PINK1: variants seen among roughly 807,000 people sequenced by gnomAD.
PINK1 encodes the protein serine/threonine-protein kinase PINK1, mitochondrial.
Under a neutral mutation model 56.0 loss-of-function variants are expected in PINK1, and 58 were observed. That is an observed-to-expected ratio of 1.04 (90% confidence interval 0.84 to 1.29). The LOEUF (loss-of-function observed/expected upper bound fraction) is 1.29, where lower values mean the gene tolerates loss of function less well. Among genes scored for constraint, PINK1 ranks in the 50% most tolerant of loss-of-function variants. PINK1 has a pLI of 0.00. For synonymous variants in PINK1, 354 were observed against 339.3 expected (o/e 1.04, Z -0.48); for missense variants, 745 against 777.9 (o/e 0.96, Z 0.50).
Position 20,648,845 on chromosome 1 carries a change from C to T in PINK1, c.1252-150C>T. 2.4e-6 allele frequency: 3 copies of T among 1,231,910 alleles called. No individual in the cohort carries two copies. The African/African-American group carries it at 4.4e-5, about 18-fold the overall frequency. 76.3% of individuals were successfully genotyped at this position (1,231,910 alleles called of 1,614,324 possible). On this transcript the variant is annotated intron_variant, in intron 6 of 7. Transcript: ENST00000321556. ...TGTCACATAAACCAGGTGGTCTAAG[C>T]AGACCCCTTCTGGGTCTGAGCCACA...
At chr1:20,646,328 G>A (rs1469856719) in intron 5 of PINK1, among the ~76,000 whole-genome samples, 4 of 152,004 alleles carry the variant, frequency 2.6e-5, no homozygotes, top group African/African-American at 9.7e-5. Flanking sequence ...AAGTAAAAGA[G>A]AAGTAGACTT....
intron 1 of PINK1, among the ~76,000 whole-genome samples, chr1:20,636,219 ATGTATATGTGT>A: frequency 6.8e-6 from 1 of 145,998 alleles, no homozygotes; most frequent in East Asian, 2.0e-4. Flanking sequence ...GTGTATATAT[ATGTATATGTGT>A]ATATATGTTG....
chr1:20,649,252 G>A (rs778581192), intron 7 of PINK1, 21 bp downstream of exon 7: 17 of 1,610,182 alleles, frequency 1.1e-5, no homozygotes, highest in South Asian at 2.2e-5. Context: ...CCCCGGCTTC[G>A]AGGGGACGGT....
At position 20,641,936 on chromosome 1, in the gene PINK1, T is replaced by C. The variant is rs2053119627; in HGVS notation, c.776+1944T>C. ...TATCTCCCCAGTACAGCCATACTCC[T>C]CTGCCCCTGAGCTCCCATGACACCT... On this transcript the variant is annotated intron_variant, in intron 3 of 7. Coordinates refer to ENST00000321556, the MANE Select transcript of PINK1 (RefSeq NM_032409.3). The surrounding 1 kb of genome is among the most constrained non-coding windows in gnomAD (Gnocchi z 4.0). Among the ~76,000 whole-genome samples the C allele has an allele frequency of 6.6e-6, 1 of 152,160 alleles. No homozygotes were observed. The highest frequency in any genetic ancestry group is 2.4e-5 in the African/African-American group (1 of 41,436).
At chr1:20,639,743 C>G in intron 2 of PINK1, 149 bp from the exon 3 acceptor site, 1 of 724,756 alleles carries the variant, frequency 1.4e-6, no homozygotes, top group Non-Finnish European at 2.5e-6. Context: ...CTAGTCTCAG[C>G]CTGCCAGTTA....
intron 2 of PINK1, chr1:20,638,512 G>A: frequency 3.3e-6 from 1 of 299,446 alleles, no homozygotes; most frequent in South Asian, 3.1e-5. Context: ...GCACCTGTAT[G>A]TAGTCTTAGC....
chr1:20,638,246 G>A, intron 2 of PINK1, 117 bp downstream of exon 2: 1 of 1,264,556 alleles, frequency 7.9e-7, no homozygotes, highest in African/African-American at 1.5e-5. Flanking sequence ...CCACAGGAAA[G>A]GTGCCTGTAT....
intron 7 of PINK1, chr1:20,650,167 A>G: frequency 1.9e-6 from 1 of 534,998 alleles, no homozygotes; most frequent in Non-Finnish European, 3.4e-6. Flanking sequence ...ATAGCTGTGC[A>G]CAAGAGGCAC....
chr1:20,633,817 G>C lies in PINK1; in HGVS notation c.269G>C (p.Trp90Ser), dbSNP rs774312092. ...CAGCGGCAGTTCGTGGTGCGGGCCT[G>C]GGGCTGCGCGGGCCCTTGCGGCCGG... is the stretch of plus-strand genomic sequence containing the variant. ...RLQRQFVVRAWGCAGPCGRAV... is the reference protein window; with the variant it reads ...RLQRQFVVRASGCAGPCGRAV... Residue 90 changes from tryptophan to serine, a missense_variant, in exon 1 of 8, where the codon TGG (tryptophan) becomes TCG (serine). Coordinates refer to ENST00000321556, the MANE Select transcript of PINK1 (RefSeq NM_032409.3). 1.3e-6 allele frequency: 2 copies of C among 1,577,124 alleles called. No individual in the cohort carries two copies. Among genetic ancestry groups the C allele is most frequent in the South Asian group, 1.2e-5 (1 of 86,922 alleles).
chr1:20,644,267 C>T (rs986423167), intron 3 of PINK1, among the ~76,000 whole-genome samples: 2 of 152,100 alleles, frequency 1.3e-5, no homozygotes, highest in African/African-American at 2.4e-5. Flanking sequence ...GATGGACGGA[C>T]GGACAGACGG....
At chr1:20,645,115 C>A (rs1337019664) in intron 4 of PINK1, among the ~76,000 whole-genome samples, 2 of 152,068 alleles carry the variant, frequency 1.3e-5, no homozygotes, top group African/African-American at 4.8e-5. Context: ...TGGGAGGGAA[C>A]AGAAAGGATG....
chr1:20,637,774 C>T (rs1256096680), intron 1 of PINK1, 68 bp from the exon 2 acceptor site: 2 of 1,573,252 alleles, frequency 1.3e-6, no homozygotes, highest in Non-Finnish European at 1.7e-6. Context: ...CTCTCTGCCT[C>T]CCCTGTTTCC....
At chr1:20,643,334 G>C (rs940611276) in intron 3 of PINK1, among the ~76,000 whole-genome samples, 8 of 152,246 alleles carry the variant, frequency 5.3e-5, no homozygotes, top group African/African-American at 1.9e-4. Flanking sequence ...GCAGGGCTGT[G>C]GTTTGGGGGT....
chr1:20,633,772 C>T lies in PINK1; in HGVS notation c.224C>T (p.Ala75Val), dbSNP rs866153120. ...NRLRFFRQSVAGLAARLQRQF... is the reference protein window; with the variant it reads ...NRLRFFRQSVVGLAARLQRQF... ...CTCCGCTTCTTCCGCCAGTCGGTGG[C>T]CGGGCTGGCGGCGCGGTTGCAGCGG... Residue 75 changes from alanine to valine, a missense_variant, in exon 1 of 8, where the codon GCC becomes GTC. Physicochemically the swap from Ala to Val is moderately conservative, Grantham distance 64. Coordinates refer to ENST00000321556, the MANE Select transcript of PINK1 (RefSeq NM_032409.3). The T allele has an allele frequency of 1.3e-6, 2 of 1,562,854 alleles. No homozygotes were observed. The highest frequency in any genetic ancestry group is 1.3e-5 in the African/African-American group (1 of 74,220).
intron 4 of PINK1, 131 bp downstream of exon 4, chr1:20,644,803 C>G: frequency 1.6e-6 from 2 of 1,225,864 alleles, no homozygotes; most frequent in Non-Finnish European, 2.3e-6. Context: ...AGAAGAAAGC[C>G]ATGCAAAGGG....
rs2053117201 is a variant in PINK1, at chr1:20,641,716, A to C, written c.776+1724A>C. On this transcript the variant is annotated intron_variant, in intron 3 of 7. Transcript: ENST00000321556. The surrounding 1 kb of genome is among the most constrained non-coding windows in gnomAD (Gnocchi z 4.0). ...GAGATTGAAGGCGCTTAACCTGCTC[A>C]TCTCACCACGTCTCCCGCCTTATCT... 6.6e-6 allele frequency among the ~76,000 whole-genome samples: 1 copy of C among 151,938 alleles called. No individual in the cohort carries two copies. Among genetic ancestry groups the C allele is most frequent in the African/African-American group, 2.4e-5 (1 of 41,348 alleles).
rs766026420 is a variant in PINK1, at chr1:20,651,054, T to C, written c.*363T>C. The C allele has an allele frequency of 2.3e-5, 8 of 345,268 alleles. No homozygotes were observed. Among genetic ancestry groups the C allele is most frequent in the Non-Finnish European group, 4.4e-5 (8 of 180,032 alleles). 21.4% of individuals were successfully genotyped at this position (345,268 alleles called of 1,614,324 possible). A position where few individuals can be genotyped will look rare whatever the true frequency, so the allele number is the denominator to read the frequency against. On this transcript the variant is annotated 3_prime_UTR_variant, in exon 8 of 8. Coordinates refer to ENST00000321556, the MANE Select transcript of PINK1 (RefSeq NM_032409.3). The stretch of plus-strand genomic sequence containing the variant: ...CTCGTTTGAAGGGGGCAGCGTAGCA[T>C]GTCTGATTTGCCACCTGGATGAAGG...
At position 20,650,336 on chromosome 1, in the gene PINK1, T is replaced by A. The variant is rs184278531; in HGVS notation, c.1489-98T>A. ...GAGATAGGGTAGAGGAAGAATTGGG[T>A]TGGGACCAGAGAAGGGAAGACCCTC... is the stretch of plus-strand genomic sequence containing the variant. On this transcript the variant is annotated intron_variant, in intron 7 of 7. Coordinates refer to ENST00000321556, the MANE Select transcript of PINK1 (RefSeq NM_032409.3). 5 of 1,498,134 alleles carry A rather than the reference T, an allele frequency of 3.3e-6. No individual in the cohort carries two copies. The Admixed American group carries it at 9.5e-5, about 28-fold the overall frequency. The allele number at this position is 1,498,134 out of a possible 1,614,324, so 92.8% of individuals were successfully genotyped here. A position where few individuals can be genotyped will look rare whatever the true frequency, so the allele number is the denominator to read the frequency against.
Position 20,649,143 on chromosome 1 carries a change from A to C in PINK1, c.1400A>C (p.Gln467Pro), listed in dbSNP as rs757292901. The C allele has an allele frequency of 6.2e-7, 1 of 1,614,232 alleles. No homozygotes were observed. The highest frequency in any genetic ancestry group is 8.5e-7 in the Non-Finnish European group (1 of 1,180,042). The change falls in exon 7 of 8, where the codon CAA (glutamine) becomes CCA (proline). Residue 467 changes from glutamine to proline, a missense_variant. Coordinates refer to ENST00000321556, the MANE Select transcript of PINK1 (RefSeq NM_032409.3). ...GKAHLESRSYQEAQLPALPES... is the reference protein window; with the variant it reads ...GKAHLESRSYPEAQLPALPES... ...GCCCACCTTGAAAGCCGCAGCTACC[A>C]AGAGGCTCAGCTACCTGCACTGCCC...
Sources: allele counts gnomAD v4.1 joint callset (sites outside exome capture counted in the v4.1 genomes callset), GRCh38; gene constraint gnomAD v4.1.1; non-coding constraint Gnocchi (gnomAD v3.1); transcripts MANE v1.5; gene names NCBI Gene and HGNC (gene_info 2026-07-23, HGNC 2026-07-21).